Variants in GLIS3 observed in about 807,000 individuals in gnomAD.
GLIS3 encodes the protein GLIS family zinc finger 3, also known as zinc finger protein GLIS3.
In GLIS3, 53 loss-of-function variants were observed where a neutral mutation model predicts 78.6. That is an observed-to-expected ratio of 0.67 (90% CI 0.54 to 0.85). GLIS3 has a LOEUF of 0.85. Among genes scored for constraint, GLIS3 ranks in the 40% least tolerant of loss-of-function variants. The probability of loss-of-function intolerance (pLI) is 0.00; values close to 1 mark genes in which losing one functional copy is unlikely to be tolerated. For missense variants in GLIS3, 1,703 were observed against 1,231.1 expected, an observed-to-expected ratio of 1.38 and a Z score of -5.74; for synonymous variants, 684 against 509.9, an observed-to-expected ratio of 1.34 and a Z score of -4.60.
intron 2 of GLIS3, among the ~76,000 whole-genome samples, chr9:4,268,654 A>G (rs543360805): frequency 4.6e-5 from 7 of 152,364 alleles, no homozygotes; most frequent in East Asian, 1.9e-4. Flanking sequence ...TTTAAGAATC[A>G]TTATTGATTG....
At chr9:4,249,474 C>A (rs1824144480) in intron 2 of GLIS3, among the ~76,000 whole-genome samples, 1 of 152,024 alleles carries the variant, frequency 6.6e-6, no homozygotes, top group Non-Finnish European at 1.5e-5. Flanking sequence ...ATTTTGTATC[C>A]CTAGACTTTG....
At chr9:4,359,410 G>A in the GLIS3 span, among the ~76,000 whole-genome samples, 1 of 152,136 alleles carries the variant, frequency 6.6e-6, no homozygotes, top group Non-Finnish European at 1.5e-5. Context: ...CAAAGAGCAG[G>A]ACAGGCTTCT....
intron 1 of GLIS3, among the ~76,000 whole-genome samples, chr9:4,297,837 G>C (rs1294293880): frequency 6.6e-6 from 1 of 152,168 alleles, no homozygotes; most frequent in African/African-American, 2.4e-5. Flanking sequence ...TGCCGGGAGC[G>C]GGGGAGAGGC....
At chr9:4,024,445 G>A (rs1823144629) in intron 4 of GLIS3, among the ~76,000 whole-genome samples, 2 of 152,100 alleles carry the variant, frequency 1.3e-5, no homozygotes, top group South Asian at 2.1e-4. Flanking sequence ...ATTAGTTTTT[G>A]GAGCAGCCAA....
the GLIS3 span, among the ~76,000 whole-genome samples, chr9:4,437,445 T>TATCTATC: frequency 1.3e-5 from 2 of 152,032 alleles, no homozygotes; most frequent in South Asian, 2.1e-4. Flanking sequence ...TCTATCTATC[T>TATCTATC]ATCTATCTAT....
intron 3 of GLIS3, among the ~76,000 whole-genome samples, chr9:4,309,644 G>C (rs970640291): frequency 3.9e-5 from 6 of 152,318 alleles, no homozygotes; most frequent in Non-Finnish European, 8.8e-5. Flanking sequence ...TTTCTATTTT[G>C]ATGACTGATT....
chr9:4,466,805 C>T, the GLIS3 span, among the ~76,000 whole-genome samples: 15 of 152,184 alleles, frequency 9.9e-5, no homozygotes, highest in East Asian at 5.8e-4. Flanking sequence ...GTGCAGCCCA[C>T]GGAGTGTGAG....
At chr9:4,271,263 A>G (rs1826482527) in intron 2 of GLIS3, among the ~76,000 whole-genome samples, 2 of 152,220 alleles carry the variant, frequency 1.3e-5, no homozygotes, top group Admixed American at 6.5e-5. Flanking sequence ...TATACAATAC[A>G]TACAAAATAC....
At chr9:4,454,782 G>A in the GLIS3 span, among the ~76,000 whole-genome samples, 1 of 152,210 alleles carries the variant, frequency 6.6e-6, no homozygotes, top group Admixed American at 6.5e-5. Flanking sequence ...AATGAGGGGA[G>A]TTATTCAAGA....
At chr9:3,888,520 G>C (rs1194391676) in intron 7 of GLIS3, among the ~76,000 whole-genome samples, 2 of 152,182 alleles carry the variant, frequency 1.3e-5, no homozygotes, top group African/African-American at 2.4e-5. Context: ...CTCTCTCAAA[G>C]AGCCTCTCCC....
chr9:4,387,496 A>G, the GLIS3 span, among the ~76,000 whole-genome samples: 1 of 152,350 alleles, frequency 6.6e-6, no homozygotes, highest in African/African-American at 2.4e-5. Flanking sequence ...ACTATATGAC[A>G]TTCTAGAGAT....
chr9:4,193,363 T>C (rs997123125), intron 2 of GLIS3, among the ~76,000 whole-genome samples: 1 of 152,238 alleles, frequency 6.6e-6, no homozygotes, highest in Non-Finnish European at 1.5e-5. Flanking sequence ...CAATGGCTGC[T>C]ATCAGAAAGG....
At chr9:4,241,686 G>GT (rs35581337) in intron 2 of GLIS3, among the ~76,000 whole-genome samples, 22,467 of 151,562 alleles carry the variant, frequency 0.15, 1,805 homozygotes, top group Non-Finnish European at 0.16. Context: ...TTTTTGTTTT[G>GT]TTTTTTTTGA....
chr9:4,283,990 A>C (rs1420268212), intron 2 of GLIS3, among the ~76,000 whole-genome samples: 1 of 152,222 alleles, frequency 6.6e-6, no homozygotes, highest in South Asian at 2.1e-4. Flanking sequence ...GAGAATCAAG[A>C]AGCAGCACTA....
chr9:4,028,617 G>A (rs1447974878), intron 4 of GLIS3, among the ~76,000 whole-genome samples: 1 of 152,088 alleles, frequency 6.6e-6, no homozygotes, highest in African/African-American at 2.4e-5. Flanking sequence ...TAGCCTTCCA[G>A]GAGCCCCTTG....
the GLIS3 span, among the ~76,000 whole-genome samples, chr9:4,361,178 C>T: frequency 2.0e-4 from 30 of 152,298 alleles, no homozygotes; most frequent in African/African-American, 6.7e-4. Context: ...TCTTTGGAAA[C>T]TGTCCTCTGT....
chr9:4,475,682 A>G, the GLIS3 span, among the ~76,000 whole-genome samples: 3 of 152,232 alleles, frequency 2.0e-5, no homozygotes, highest in Admixed American at 6.5e-5. Flanking sequence ...ATATTCTTCA[A>G]TGAAAAAAGG....
chr9:4,128,580 G>A (rs1347071782), intron 2 of GLIS3, among the ~76,000 whole-genome samples: 2 of 152,156 alleles, frequency 1.3e-5, no homozygotes, highest in Admixed American at 1.3e-4. Context: ...CTTTGTTGAT[G>A]ATATACAGTA....
the GLIS3 span, among the ~76,000 whole-genome samples, chr9:4,446,903 G>C: frequency 2.0e-5 from 3 of 152,056 alleles, no homozygotes; most frequent in East Asian, 3.9e-4. Flanking sequence ...ACTGTACTTA[G>C]GTTCCAGCTG....
Sources: gnomAD v4.1 joint callset for allele counts (sites outside exome capture counted in the v4.1 genomes callset) on GRCh38, gnomAD v4.1.1 for gene constraint, MANE v1.5 for transcripts, NCBI Gene and HGNC (gene_info 2026-07-23, HGNC 2026-07-21) for gene names.